Variants in ANKRD6 observed in about 807,000 individuals in gnomAD.
ANKRD6 encodes the protein ankyrin repeat domain 6.
In ANKRD6, 56 loss-of-function variants were observed where a neutral mutation model predicts 82.3. The observed-to-expected ratio is 0.68, with a 90% CI of 0.55 to 0.85. The LOEUF is 0.85. Among genes scored for constraint, ANKRD6 ranks in the 40% least tolerant of loss-of-function variants. The probability of loss-of-function intolerance (pLI) is 0.00; values close to 1 mark genes in which losing one functional copy is unlikely to be tolerated. For synonymous variants in ANKRD6, 347 were observed against 352.1 expected (o/e 0.99, Z 0.16); for missense variants, 852 against 907.6 (o/e 0.94, Z 0.79).
intron 1 of ANKRD6, among the ~76,000 whole-genome samples, chr6:89,452,502 A>G (rs1772964945): frequency 1.3e-5 from 2 of 152,220 alleles, no homozygotes; most frequent in Non-Finnish European, 2.9e-5. Context: ...CCTGAGCCCC[A>G]CAGAGTAAAT....
At chr6:89,604,466 C>CTTTTTTTTTTT (rs5878101) in intron 4 of ANKRD6, among the ~76,000 whole-genome samples, 1 of 148,878 alleles carries the variant, frequency 6.7e-6, no homozygotes. Flanking sequence ...CCTCTGCTTA[C>CTTTTTTTTTTT]TTTTTTTTTT....
intron 1 of ANKRD6, among the ~76,000 whole-genome samples, chr6:89,533,589 G>A (rs1158879143): frequency 6.6e-6 from 1 of 152,180 alleles, no homozygotes; most frequent in African/African-American, 2.4e-5. Context: ...GGGAGCAAGA[G>A]AGCAAGGTTG....
chr6:89,469,826 C>T (rs1209055), intron 1 of ANKRD6, among the ~76,000 whole-genome samples: 34,432 of 152,048 alleles, frequency 0.23, 4,486 homozygotes, highest in East Asian at 0.45. Context: ...TGGCCTACAG[C>T]CTGTGCTCAG....
Position 89,567,106 on chromosome 6 carries a change from G to T in ANKRD6, c.120+10G>T. On this transcript the variant is annotated intron_variant, in intron 2 of 15. Transcript: ENST00000339746. ...GGTAGCGGTTACCAAGGTAACAAGA[G>T]AAAAATACGCTGTAGCCATTCCCTG... 1 of 1,579,192 alleles carries T rather than the reference G, an allele frequency of 6.3e-7. No homozygotes were observed.
At chr6:89,456,081 GC>G (rs1773476315) in intron 1 of ANKRD6, among the ~76,000 whole-genome samples, 1 of 152,078 alleles carries the variant, frequency 6.6e-6, no homozygotes, top group Non-Finnish European at 1.5e-5. Flanking sequence ...TGTCATGTTG[GC>G]CAGGCTGGTC....
rs1801652749 is a variant in ANKRD6 at position 89,616,627 on chromosome 6, A to C, written c.684A>C (p.Glu228Asp). ...NHKKVAKILL[E>D]AGADTTIVNN... Reference sequence around the variant, plus strand: ...AGAAGGTGGCCAAAATCTTACTGGAAGCCGGAGCAGATACGACCATTGTTA... The same window carrying C: ...AGAAGGTGGCCAAAATCTTACTGGACGCCGGAGCAGATACGACCATTGTTA... Residue 228 changes from glutamate (E) to aspartate (D), a missense_variant, in exon 8 of 16, where the codon GAA (glutamate) becomes GAC (aspartate). Transcript: ENST00000339746. 8.1e-6 allele frequency: 13 copies of C among 1,614,070 alleles called. No individual in the cohort carries two copies. The highest frequency in any genetic ancestry group is 1.1e-5 in the Non-Finnish European group (13 of 1,179,898).
At chr6:89,503,997 G>T (rs1393036742) in intron 1 of ANKRD6, among the ~76,000 whole-genome samples, 2 of 152,062 alleles carry the variant, frequency 1.3e-5, no homozygotes, top group Non-Finnish European at 2.9e-5. Flanking sequence ...CCATTGTCCA[G>T]ACCTGGGCGC....
intron 1 of ANKRD6, among the ~76,000 whole-genome samples, chr6:89,488,570 G>A (rs537813522): frequency 2.6e-5 from 4 of 152,170 alleles, no homozygotes; most frequent in Non-Finnish European, 5.9e-5. Context: ...TCTCATTCAG[G>A]ATTCTCAGAT....
At chr6:89,472,877 T>A (rs1277409569) in intron 1 of ANKRD6, among the ~76,000 whole-genome samples, 2 of 152,132 alleles carry the variant, frequency 1.3e-5, no homozygotes, top group East Asian at 1.9e-4. Context: ...TCCACCCCCA[T>A]GGTCACTGTC....
chr6:89,573,108 G>A (rs912167526), intron 2 of ANKRD6, among the ~76,000 whole-genome samples: 2 of 152,074 alleles, frequency 1.3e-5, no homozygotes, highest in Admixed American at 1.3e-4. Context: ...CTACAGGCAT[G>A]TGTGCCACCA....
chr6:89,624,445 C>T, intron 12 of ANKRD6, 94 bp from the exon 13 acceptor site: 1 of 1,420,944 alleles, frequency 7.0e-7, no homozygotes, highest in Non-Finnish European at 9.5e-7. Flanking sequence ...TCATCTCTAT[C>T]CCCTGGTATA....
intron 1 of ANKRD6, among the ~76,000 whole-genome samples, chr6:89,511,816 T>C (rs1232408661): frequency 6.6e-6 from 1 of 152,252 alleles, no homozygotes; most frequent in African/African-American, 2.4e-5. Context: ...AAAATGATTT[T>C]GTGGCAAATA....
intron 14 of ANKRD6, 120 bp downstream of exon 14, chr6:89,627,816 T>A: frequency 1.4e-6 from 1 of 713,410 alleles, no homozygotes; most frequent in Non-Finnish European, 2.3e-6. Context: ...TTACATTATA[T>A]AGTGTATCAT....
chr6:89,542,282 G>C (rs1784529372), intron 1 of ANKRD6, among the ~76,000 whole-genome samples: 1 of 152,124 alleles, frequency 6.6e-6, no homozygotes, highest in Non-Finnish European at 1.5e-5. Context: ...CTTCACAACT[G>C]ACGTTACGTA....
intron 1 of ANKRD6, among the ~76,000 whole-genome samples, chr6:89,537,813 T>C (rs1380907917): frequency 1.7e-4 from 25 of 148,884 alleles, no homozygotes; most frequent in Non-Finnish European, 3.1e-4. Context: ...GGAGGATGGC[T>C]TGAGCCCAGA....
rs1359847831 is a variant in ANKRD6, at chr6:89,484,388, A to C, written c.-144+51013A>C. ...TACTAACTGGCCAGCGATTATTTAA[A>C]ATATAAATTGAGATTTCATATTCAG... On this transcript the variant is annotated intron_variant, in intron 1 of 15. Coordinates refer to ENST00000339746, the MANE Select transcript of ANKRD6 (RefSeq NM_001242809.2). Among the ~76,000 whole-genome samples, 3 of 152,128 alleles carry C rather than the reference A, an allele frequency of 2.0e-5. No individual in the cohort carries two copies. The East Asian group carries it at 5.8e-4, about 29-fold the overall frequency.
intron 1 of ANKRD6, among the ~76,000 whole-genome samples, chr6:89,479,062 G>A (rs1776449399): frequency 6.6e-6 from 1 of 152,140 alleles, no homozygotes; most frequent in South Asian, 2.1e-4. Flanking sequence ...CATTGCACTA[G>A]GTTTAGGAAT....
At chr6:89,459,150 C>A (rs558270563) in intron 1 of ANKRD6, among the ~76,000 whole-genome samples, 1 of 152,284 alleles carries the variant, frequency 6.6e-6, no homozygotes, top group Non-Finnish European at 1.5e-5. Context: ...GTGATCTCGG[C>A]TCACTGCAAC....
chr6:89,434,863 C>G (rs1225712628), intron 1 of ANKRD6, among the ~76,000 whole-genome samples: 1 of 152,128 alleles, frequency 6.6e-6, no homozygotes, highest in Non-Finnish European at 1.5e-5. Context: ...GGAGTATTTT[C>G]TGCCCTCTAG....
Sources: gnomAD v4.1 joint callset for allele counts (sites outside exome capture counted in the v4.1 genomes callset) on GRCh38, gnomAD v4.1.1 for gene constraint, MANE v1.5 for transcripts, NCBI Gene and HGNC (gene_info 2026-07-23, HGNC 2026-07-21) for gene names.